BMF: variants seen among roughly 807,000 people sequenced by gnomAD.
The protein encoded by BMF is bcl-2-modifying factor.
In BMF, 10 loss-of-function variants were observed where a neutral mutation model predicts 22.0. The ratio of observed to expected loss-of-function variants is 0.45; its 90% CI spans 0.28 to 0.77. BMF has a LOEUF of 0.77. Among genes scored for constraint, BMF ranks in the 30% least tolerant of loss-of-function variants. The pLI is 0.13. For synonymous variants in BMF, 87 were observed against 88.1 expected, an observed-to-expected ratio of 0.99 and a Z score of 0.07; for missense variants, 206 against 226.8, an observed-to-expected ratio of 0.91 and a Z score of 0.59.
In BMF at chr15:40,089,878, C is replaced by A. The variant is rs2036201810; in HGVS notation, c.*1909G>T. 1 of 152,618 alleles carries A rather than the reference C, an allele frequency of 6.6e-6. No individual in the cohort carries two copies. The highest frequency in any genetic ancestry group is 6.5e-5 in the Admixed American group (1 of 15,290). 9.5% of individuals were successfully genotyped at this position (152,618 alleles called of 1,614,324 possible). A position where few individuals can be genotyped will look rare whatever the true frequency, so the allele number is the denominator to read the frequency against. ...GTGTGTCCCAGAGCCAGTCTTCAAG[C>A]TGGTCCCCGGCTCCTTCTCTGCAAA... On this transcript the variant is annotated 3_prime_UTR_variant, in exon 5 of 5. Transcript: ENST00000354670.
Position 40,091,270 on chromosome 15 carries a change from A to G in BMF, c.*517T>C, listed in dbSNP as rs2036224744. On this transcript the variant is annotated 3_prime_UTR_variant, in exon 5 of 5. Coordinates refer to ENST00000354670, the MANE Select transcript of BMF (RefSeq NM_001003940.2). ...GTGGAGCTGGCCGGCCAGCCTAGTGAAGCTGCTATCCTCAAGTGGAAAGCC... is the reference window on the plus strand; with the variant it reads ...GTGGAGCTGGCCGGCCAGCCTAGTGGAGCTGCTATCCTCAAGTGGAAAGCC... The G allele has an allele frequency of 6.5e-6, 1 of 152,832 alleles. No individual in the cohort carries two copies. The highest frequency in any genetic ancestry group is 2.4e-5 in the African/African-American group (1 of 41,388). 9.5% of individuals were successfully genotyped at this position (152,832 alleles called of 1,614,324 possible). A position where few individuals can be genotyped will look rare whatever the true frequency, so the allele number is the denominator to read the frequency against.
Position 40,091,936 on chromosome 15 carries a change from C to CT in BMF, c.454-49dup, listed in dbSNP as rs775789728. 71 of 1,333,552 alleles carry CT rather than the reference C, an allele frequency of 5.3e-5. No homozygotes were observed. The African/African-American group carries it at 9.6e-4, about 18-fold the overall frequency. The allele number at this position is 1,333,552 out of a possible 1,614,324, so 82.6% of individuals were successfully genotyped here. A position where few individuals can be genotyped will look rare whatever the true frequency, so the allele number is the denominator to read the frequency against. The stretch of plus-strand genomic sequence containing the variant: ...GACCAACATAACTCCCAAACGCAAT[C>CT]TTAGACGACTCCCTCTCATTTCCAG... On this transcript the variant is annotated intron_variant, in intron 4 of 4. Coordinates refer to ENST00000354670, the MANE Select transcript of BMF (RefSeq NM_001003940.2).
At chr15:40,105,317 G>A (rs551565256) in intron 3 of BMF, among the ~76,000 whole-genome samples, 54 of 152,230 alleles carry the variant, frequency 3.5e-4, no homozygotes, top group Non-Finnish European at 7.5e-4. Flanking sequence ...ATTGGGCCCA[G>A]GCAGGCCCAA....
At chr15:40,102,416 CA>C (rs71132141) in intron 4 of BMF, among the ~76,000 whole-genome samples, 25,372 of 95,258 alleles carry the variant, frequency 0.27, 2,172 homozygotes, top group Middle Eastern at 0.42. Flanking sequence ...GCGAAAGAGC[CA>C]AAAAAAAAAA....
At chr15:40,095,625 C>A (rs189449078) in intron 4 of BMF, among the ~76,000 whole-genome samples, 28 of 152,260 alleles carry the variant, frequency 1.8e-4, no homozygotes, top group Non-Finnish European at 4.0e-4. Flanking sequence ...TCCCAGAATA[C>A]ACAGTCAGGG....
intron 4 of BMF, among the ~76,000 whole-genome samples, chr15:40,103,660 G>A (rs1179364120): frequency 6.6e-6 from 1 of 152,208 alleles, no homozygotes; most frequent in Non-Finnish European, 1.5e-5. Context: ...CTGGTTCCCA[G>A]ACAGAGACAG....
At chr15:40,103,794 C>T (rs556186688) in intron 4 of BMF, among the ~76,000 whole-genome samples, 13 of 152,356 alleles carry the variant, frequency 8.5e-5, no homozygotes, top group African/African-American at 2.9e-4. Flanking sequence ...AGGCACCCCC[C>T]AACTGCCCAG....
intron 4 of BMF, 68 bp from the exon 5 acceptor site, chr15:40,091,956 T>C (rs2036242070): frequency 2.5e-6 from 3 of 1,220,180 alleles, no homozygotes; most frequent in Non-Finnish European, 3.5e-6. Flanking sequence ...TCCCTCTCAT[T>C]TCCAGTAAAA....
In BMF at chr15:40,091,876, G is replaced by C. The variant is rs369428869; in HGVS notation, c.466C>G (p.Gln156Glu). The C allele has an allele frequency of 3.7e-6, 6 of 1,607,620 alleles. No homozygotes were observed. The African/African-American group carries it at 8.1e-5, about 22-fold the overall frequency. Residue 156 changes from glutamine (Q) to glutamate (E), a missense_variant, in exon 5 of 5, where the codon CAA (glutamine) becomes GAA (glutamate). By Grantham distance (29) the Gln-to-Glu change is conservative (BLOSUM62 2). Coordinates refer to ENST00000354670, the MANE Select transcript of BMF (RefSeq NM_001003940.2). ...RLHVQQHQQN[Q>E]NRVWWQILLF... Reference sequence around the variant, plus strand: ...AGGATCTGCCACCACACACGATTTTGGTTCTGCTGGTGCTGAAGGGAGAAA... The same window carrying C: ...AGGATCTGCCACCACACACGATTTTCGTTCTGCTGGTGCTGAAGGGAGAAA...
chr15:40,103,884 G>T (rs937247694), intron 4 of BMF, among the ~76,000 whole-genome samples: 4 of 152,208 alleles, frequency 2.6e-5, no homozygotes, highest in African/African-American at 9.7e-5. Context: ...GAAGAGACAG[G>T]TTGTCAAGCA....
intron 2 of BMF, among the ~76,000 whole-genome samples, chr15:40,107,533 AGTGTGTGTGTGTGTGT>A (rs58296260): frequency 2.3e-4 from 32 of 137,508 alleles, no homozygotes; most frequent in African/African-American, 7.0e-4. Context: ...GTGTTTCCCA[AGTGTGTGTGTGTGTGT>A]GTGTGTGTGT....
intron 4 of BMF, 75 bp from the exon 5 acceptor site, chr15:40,091,963 A>G (rs2036242314): frequency 2.6e-6 from 3 of 1,138,322 alleles, no homozygotes; most frequent in South Asian, 2.7e-5. Flanking sequence ...CATTTCCAGT[A>G]AAAGTTCAGA....
In BMF at chr15:40,089,583, C is replaced by G. The variant is rs2140984287; in HGVS notation, c.*2204G>C. ...CAGGCCACAGGGCACCCAGCCTGGG[C>G]CTGGCAAGGTCTCTGAAGCTGATGG... On this transcript the variant is annotated 3_prime_UTR_variant, in exon 5 of 5. Transcript: ENST00000354670. 6.6e-6 allele frequency: 1 copy of G among 152,358 alleles called. No individual in the cohort carries two copies. Among genetic ancestry groups the G allele is most frequent in the East Asian group, 1.9e-4 (1 of 5,180 alleles). The allele number at this position is 152,358 out of a possible 1,614,324, so 9.4% of individuals were successfully genotyped here.
chr15:40,096,219 A>G lies in BMF; in HGVS notation c.454-4331T>C, dbSNP rs547757229. Among the ~76,000 whole-genome samples the G allele has an allele frequency of 9.6e-5, 14 of 145,966 alleles. No individual in the cohort carries two copies. The South Asian group carries it at 2.8e-3, about 29-fold the overall frequency. Reference sequence around the variant, plus strand: ...GTGGTGTCTGACAAGGTTGGATTACATAAATCAAACTCTGTTTCATCCCAC... The same window carrying G: ...GTGGTGTCTGACAAGGTTGGATTACGTAAATCAAACTCTGTTTCATCCCAC... On this transcript the variant is annotated intron_variant, in intron 4 of 4. Coordinates refer to ENST00000354670, the MANE Select transcript of BMF (RefSeq NM_001003940.2).
rs2141060607 is a variant in BMF at position 40,106,493 on chromosome 15, A to G, written c.-5-402T>C. 1 of 150,320 alleles carries G rather than the reference A, an allele frequency of 6.7e-6. No homozygotes were observed. Among genetic ancestry groups the G allele is most frequent in the East Asian group, 2.6e-4 (1 of 3,800 alleles). 9.3% of individuals were successfully genotyped at this position (150,320 alleles called of 1,614,324 possible). ...GTAAGTTGCTGTCAAGGGTGCTGTGACTGGCTATACATACAGTGCTCACAA... is the reference window on the plus strand; with the variant it reads ...GTAAGTTGCTGTCAAGGGTGCTGTGGCTGGCTATACATACAGTGCTCACAA... On this transcript the variant is annotated intron_variant, in intron 2 of 4. Transcript: ENST00000354670. The surrounding 1 kb of genome is among the most constrained non-coding windows in gnomAD (Gnocchi z 4.1).
At chr15:40,092,652 T>C (rs1423754030) in intron 4 of BMF, among the ~76,000 whole-genome samples, 7 of 152,080 alleles carry the variant, frequency 4.6e-5, no homozygotes, top group Non-Finnish European at 1.0e-4. Context: ...ACAAAGAATA[T>C]ATACTATGCT....
chr15:40,100,966 G>T (rs1432443775), intron 4 of BMF, among the ~76,000 whole-genome samples: 1 of 152,174 alleles, frequency 6.6e-6, no homozygotes, highest in African/African-American at 2.4e-5. Flanking sequence ...CACTATCCCA[G>T]ATGTAGGGGA....
intron 4 of BMF, among the ~76,000 whole-genome samples, chr15:40,094,273 G>C (rs1299624211): frequency 6.6e-6 from 1 of 152,188 alleles, no homozygotes; most frequent in Non-Finnish European, 1.5e-5. Context: ...CATCATCTGG[G>C]AGCGTTGGGG....
chr15:40,108,174 G>A (rs2036625605), intron 2 of BMF, 85 bp downstream of exon 2: 1 of 152,946 alleles, frequency 6.5e-6, no homozygotes. Context: ...CCTCCTCTTA[G>A]GAGAAGGCAG....
Sources: allele counts gnomAD v4.1 joint callset (sites outside exome capture counted in the v4.1 genomes callset), GRCh38; gene constraint gnomAD v4.1.1; non-coding constraint Gnocchi (gnomAD v3.1); transcripts MANE v1.5; gene names NCBI Gene and HGNC (gene_info 2026-07-23, HGNC 2026-07-21).